Variants in ARL8A observed in about 807,000 individuals in gnomAD.
ARL8A encodes the protein ADP-ribosylation factor-like protein 8A.
In ARL8A, 10 loss-of-function variants were observed where a neutral mutation model predicts 31.2. That is an observed-to-expected ratio of 0.32 (90% CI 0.20 to 0.54). The LOEUF is 0.54. Ranked by LOEUF, ARL8A falls within the 20% of genes least tolerant of loss-of-function variation. ARL8A has a pLI of 0.93. For missense variants in ARL8A, 129 were observed against 242.8 expected, an observed-to-expected ratio of 0.53 and a Z score of 3.12; for synonymous variants, 70 against 86.9, an observed-to-expected ratio of 0.81 and a Z score of 1.08.
At position 202,135,342 on chromosome 1, in the gene ARL8A, A is replaced by C; in HGVS notation, c.440+117T>G. The C allele has an allele frequency of 6.8e-7, 1 of 1,468,434 alleles. No homozygotes were observed. Among genetic ancestry groups the C allele is most frequent in the Non-Finnish European group, 9.5e-7 (1 of 1,049,230 alleles). 91.0% of individuals were successfully genotyped at this position (1,468,434 alleles called of 1,614,324 possible). Reference sequence around the variant, plus strand: ...AAAGGGGAGGGTGAGGTGCCTGAAAAGGTCGGCTCTGCTGCCACCGTGTGG... The same window carrying C: ...AAAGGGGAGGGTGAGGTGCCTGAAACGGTCGGCTCTGCTGCCACCGTGTGG... On this transcript the variant is annotated intron_variant, in intron 5 of 6. Coordinates refer to ENST00000272217, the MANE Select transcript of ARL8A (RefSeq NM_138795.4). This position sits in a 1 kb window ranked among gnomAD's most constrained non-coding sequence, Gnocchi z 5.3.
intron 1 of ARL8A, among the ~76,000 whole-genome samples, chr1:202,142,448 C>A (rs763081400): frequency 5.3e-5 from 8 of 152,318 alleles, no homozygotes; most frequent in Non-Finnish European, 8.8e-5. Context: ...GGGTGGGCAG[C>A]AATGCCAGTG....
At chr1:202,143,541 G>A (rs1391994495) in intron 1 of ARL8A, among the ~76,000 whole-genome samples, 1 of 152,206 alleles carries the variant, frequency 6.6e-6, no homozygotes, top group Admixed American at 6.5e-5. Flanking sequence ...GCCTGGCTCT[G>A]ACAGGCAGGC....
At chr1:202,141,507 T>C (rs1655163071) in intron 1 of ARL8A, among the ~76,000 whole-genome samples, 1 of 151,688 alleles carries the variant, frequency 6.6e-6, no homozygotes, top group Non-Finnish European at 1.5e-5. Context: ...CCAGGCATGG[T>C]GGTGTATGCC....
In ARL8A at chr1:202,135,237, T is replaced by C; in HGVS notation, c.441-17A>G. The C allele has an allele frequency of 1.2e-6, 2 of 1,611,414 alleles. No homozygotes were observed. The highest frequency in any genetic ancestry group is 1.7e-6 in the Non-Finnish European group (2 of 1,177,732). ...GACAGATTCCTGGGGGAAACCAGAGTAGAGTCCGCTGAGGCTACGAACGTC... is the reference window on the plus strand; with the variant it reads ...GACAGATTCCTGGGGGAAACCAGAGCAGAGTCCGCTGAGGCTACGAACGTC... On this transcript the variant is annotated splice_polypyrimidine_tract_variant and intron_variant, in intron 5 of 6. Transcript: ENST00000272217. This position sits in a 1 kb window ranked among gnomAD's most constrained non-coding sequence, Gnocchi z 5.3.
At position 202,135,941 on chromosome 1, in the gene ARL8A, G is replaced by C; in HGVS notation, c.279-141C>G. ...CGGGATCCATGGGCTACCTGGCCTGGCTCAAGGCAGGTGCTCCGCGGATGT... is the reference window on the plus strand; with the variant it reads ...CGGGATCCATGGGCTACCTGGCCTGCCTCAAGGCAGGTGCTCCGCGGATGT... On this transcript the variant is annotated intron_variant, in intron 3 of 6. Coordinates refer to ENST00000272217, the MANE Select transcript of ARL8A (RefSeq NM_138795.4). The surrounding 1 kb of genome is among the most constrained non-coding windows in gnomAD (Gnocchi z 5.3). 1 of 735,094 alleles carries C rather than the reference G, an allele frequency of 1.4e-6. No homozygotes were observed. The allele number at this position is 735,094 out of a possible 1,614,324, so 45.5% of individuals were successfully genotyped here. A position where few individuals can be genotyped will look rare whatever the true frequency, so the allele number is the denominator to read the frequency against.
chr1:202,139,706 T>C (rs1655117200), intron 1 of ARL8A, among the ~76,000 whole-genome samples: 1 of 134,886 alleles, frequency 7.4e-6, no homozygotes. Context: ...AGTGCAGTGA[T>C]GTGATCTCAG....
At chr1:202,141,435 G>A (rs888941672) in intron 1 of ARL8A, among the ~76,000 whole-genome samples, 2 of 151,638 alleles carry the variant, frequency 1.3e-5, no homozygotes, top group African/African-American at 4.8e-5. Flanking sequence ...TGAGGTCAGG[G>A]GTTCGAGACC....
rs527657618 is a variant in ARL8A, at chr1:202,140,384, G to A, written c.124-1936C>T. The stretch of plus-strand genomic sequence containing the variant: ...TTTCGATCTCCTGACCTCGTGATCC[G>A]CCCACCTCGGCCTCCCAAAGTGCTG... On this transcript the variant is annotated intron_variant, in intron 1 of 6. Coordinates refer to ENST00000272217, the MANE Select transcript of ARL8A (RefSeq NM_138795.4). Among the ~76,000 whole-genome samples the A allele has an allele frequency of 9.4e-5, 14 of 149,684 alleles. No individual in the cohort carries two copies. The East Asian group carries it at 2.0e-3, about 21-fold the overall frequency.
chr1:202,143,965 G>A (rs1213209492), intron 1 of ARL8A, among the ~76,000 whole-genome samples: 1 of 152,216 alleles, frequency 6.6e-6, no homozygotes, highest in African/African-American at 2.4e-5. Context: ...CTTCCGGCAA[G>A]GAGGGGTTAA....
chr1:202,143,111 A>T (rs1160702666), intron 1 of ARL8A, among the ~76,000 whole-genome samples: 2 of 152,212 alleles, frequency 1.3e-5, no homozygotes, highest in Non-Finnish European at 2.9e-5. Context: ...CATTGGCCTG[A>T]AGATCCTGCC....
intron 1 of ARL8A, among the ~76,000 whole-genome samples, chr1:202,143,320 C>T (rs1019632399): frequency 3.3e-5 from 5 of 152,200 alleles, no homozygotes; most frequent in Non-Finnish European, 7.3e-5. Context: ...GTCGAGGAGG[C>T]CCATCTTCTG....
chr1:202,135,933 C>A lies in ARL8A; in HGVS notation c.279-133G>T. On this transcript the variant is annotated intron_variant, in intron 3 of 6. Transcript: ENST00000272217. This position sits in a 1 kb window ranked among gnomAD's most constrained non-coding sequence, Gnocchi z 5.3. ...GGTCACCTCGGGATCCATGGGCTAC[C>A]TGGCCTGGCTCAAGGCAGGTGCTCC... 1 of 779,444 alleles carries A rather than the reference C, an allele frequency of 1.3e-6. No individual in the cohort carries two copies. The highest frequency in any genetic ancestry group is 2.2e-6 in the Non-Finnish European group (1 of 459,610). The allele number at this position is 779,444 out of a possible 1,614,324, so 48.3% of individuals were successfully genotyped here. A position where few individuals can be genotyped will look rare whatever the true frequency, so the allele number is the denominator to read the frequency against.
chr1:202,139,985 G>A (rs988210760), intron 1 of ARL8A, among the ~76,000 whole-genome samples: 64 of 152,144 alleles, frequency 4.2e-4, no homozygotes, highest in African/African-American at 1.5e-3. Context: ...TCTCCCACCA[G>A]CTGGTAGGAA....
At chr1:202,141,707 T>C (rs1169473695) in intron 1 of ARL8A, among the ~76,000 whole-genome samples, 1 of 151,974 alleles carries the variant, frequency 6.6e-6, no homozygotes. Flanking sequence ...TGTCCACCCA[T>C]TGTTCCTAAG....
In ARL8A at chr1:202,144,432, C is replaced by A; in HGVS notation, c.123+18G>T. The A allele has an allele frequency of 1.4e-6, 2 of 1,385,214 alleles. No homozygotes were observed. Among genetic ancestry groups the A allele is most frequent in the Non-Finnish European group, 9.6e-7 (1 of 1,042,074 alleles). The allele number at this position is 1,385,214 out of a possible 1,614,324, so 85.8% of individuals were successfully genotyped here. Reference sequence around the variant, plus strand: ...CCGCGGCCCGCGCCCGGGGACCCCGCGCCCGACGCCCTCGTACCGCGATCA... The same window carrying A: ...CCGCGGCCCGCGCCCGGGGACCCCGAGCCCGACGCCCTCGTACCGCGATCA... On this transcript the variant is annotated intron_variant, in intron 1 of 6. Transcript: ENST00000272217. The surrounding 1 kb of genome is among the most constrained non-coding windows in gnomAD (Gnocchi z 5.2).
At position 202,134,321 on chromosome 1, in the gene ARL8A, C is replaced by G. The variant is rs1447126851; in HGVS notation, c.*146G>C. The G allele has an allele frequency of 1.1e-5, 8 of 710,506 alleles. No individual in the cohort carries two copies. Among genetic ancestry groups the G allele is most frequent in the Non-Finnish European group, 1.9e-5 (8 of 411,226 alleles). 44.0% of individuals were successfully genotyped at this position (710,506 alleles called of 1,614,324 possible). A position where few individuals can be genotyped will look rare whatever the true frequency, so the allele number is the denominator to read the frequency against. Reference sequence around the variant, plus strand: ...ATAAAAACAGGAGTTCAAACCTCAGCAGAACAGGACTCTGGGGTCCCCAGA... The same window carrying G: ...ATAAAAACAGGAGTTCAAACCTCAGGAGAACAGGACTCTGGGGTCCCCAGA... On this transcript the variant is annotated 3_prime_UTR_variant, in exon 7 of 7. Coordinates refer to ENST00000272217, the MANE Select transcript of ARL8A (RefSeq NM_138795.4). The surrounding 1 kb of genome is among the most constrained non-coding windows in gnomAD (Gnocchi z 4.2).
rs1553316578 is a variant in ARL8A at position 202,138,326 on chromosome 1, C to CACACAA, written c.204+41_204+42insTTGTGT. The CACACAA allele has an allele frequency of 1.4e-4, 208 of 1,504,348 alleles. No homozygotes were observed. In the African/African-American group the frequency reaches 2.9e-3, roughly 21 times the overall value. 93.2% of individuals were successfully genotyped at this position (1,504,348 alleles called of 1,614,324 possible). A position where few individuals can be genotyped will look rare whatever the true frequency, so the allele number is the denominator to read the frequency against. On this transcript the variant is annotated intron_variant, in intron 2 of 6. Coordinates refer to ENST00000272217, the MANE Select transcript of ARL8A (RefSeq NM_138795.4). The surrounding 1 kb of genome is among the most constrained non-coding windows in gnomAD (Gnocchi z 4.4). Reference sequence around the variant, plus strand: ...ACACACACACACACACACACACACACAAAAACAGTCCTCTGCACCCCCCAA... The same window carrying CACACAA: ...ACACACACACACACACACACACACACACACAAAAAAACAGTCCTCTGCACCCCCCAA...
Position 202,135,839 on chromosome 1 carries a change from CCA to C in ARL8A, c.279-41_279-40del, listed in dbSNP as rs1558305476. The C allele has an allele frequency of 1.3e-6, 2 of 1,551,460 alleles. No homozygotes were observed. The highest frequency in any genetic ancestry group is 3.3e-5 in the Admixed American group (2 of 59,836). ...CAGGGTGGGGACAAGCATGTTGACA[CCA>C]CAGGCTGAGGTGGTGCAAGGAAGAG... On this transcript the variant is annotated intron_variant, in intron 3 of 6. Transcript: ENST00000272217. The surrounding 1 kb of genome is among the most constrained non-coding windows in gnomAD (Gnocchi z 5.3).
chr1:202,136,082 T>A (rs1654997759), intron 3 of ARL8A, among the ~76,000 whole-genome samples: 1 of 151,996 alleles, frequency 6.6e-6, no homozygotes, highest in African/African-American at 2.4e-5. Flanking sequence ...CCTTTGAGAT[T>A]AGCTGTAAGT....
Sources: gnomAD v4.1 joint callset for allele counts (sites outside exome capture counted in the v4.1 genomes callset) on GRCh38, gnomAD v4.1.1 for gene constraint, Gnocchi (gnomAD v3.1) non-coding constraint, MANE v1.5 for transcripts, NCBI Gene and HGNC (gene_info 2026-07-23, HGNC 2026-07-21) for gene names.